The following ZNF345 variants were observed in gnomAD, a reference collection of about 807,000 sequenced individuals.
The protein encoded by ZNF345 is zinc finger protein HZF10.
For missense variants in ZNF345, 527 were observed against 589.9 expected (o/e 0.89, Z 1.10); for synonymous variants, 166 against 187.9 (o/e 0.88, Z 0.95).
chr19:36,893,003 T>C, exon 4 of ZNF345: 1 of 410,886 alleles, frequency 2.4e-6, no homozygotes, highest in Non-Finnish European at 4.3e-6. Flanking sequence ...ATTCTAATTA[T>C]ATACACGTTC....
In ZNF345 at chr19:36,877,335, A is replaced by C. The variant is rs1434140843; in HGVS notation, c.505A>C (p.Ser169Arg). The C allele has an allele frequency of 1.2e-6, 2 of 1,613,964 alleles. No individual in the cohort carries two copies. Among genetic ancestry groups the C allele is most frequent in the African/African-American group, 2.7e-5 (2 of 74,890 alleles). ...CCTTATTCGACATCAGATCATTCAC[A>C]GTGGTGAGAAGCCTTATGAGTGTAA... ...SGLIRHQIIH[S>R]GEKPYECKEC... is the part of the protein sequence containing the mutation. Residue 169 changes from serine (S) to arginine (R), a missense_variant, in exon 3 of 3, where the codon AGT becomes CGT. Transcript: ENST00000420450.
At chr19:36,857,385 C>G (rs2072442919) in intron 2 of ZNF345, among the ~76,000 whole-genome samples, 1 of 152,158 alleles carries the variant, frequency 6.6e-6, no homozygotes. Flanking sequence ...TGGCTCACTG[C>G]AAGCTCCGCC....
intron 2 of ZNF345, among the ~76,000 whole-genome samples, chr19:36,860,108 C>T (rs1022354303): frequency 2.6e-5 from 4 of 152,100 alleles, no homozygotes; most frequent in Non-Finnish European, 4.4e-5. Context: ...CAGGCGCACG[C>T]CACCACACCC....
At chr19:36,857,254 AAATTAT>A (rs1245970888) in intron 2 of ZNF345, among the ~76,000 whole-genome samples, 8 of 152,014 alleles carry the variant, frequency 5.3e-5, no homozygotes, top group Admixed American at 2.6e-4. Context: ...CTTTTCAGTA[AAATTAT>A]AATTATATAC....
chr19:36,884,256 G>A (rs1297829701), downstream of ZNF345, among the ~76,000 whole-genome samples: 3 of 152,010 alleles, frequency 2.0e-5, no homozygotes, highest in South Asian at 2.1e-4. Flanking sequence ...TAGTAGAGAC[G>A]AGGTTTCACC....
At chr19:36,869,801 G>A (rs1229478106) in intron 2 of ZNF345, among the ~76,000 whole-genome samples, 3 of 142,872 alleles carry the variant, frequency 2.1e-5, no homozygotes, top group South Asian at 4.4e-4. Flanking sequence ...TTGCTCTGTC[G>A]CCCCGGCTGG....
chr19:36,876,555 A>G (rs898853033), intron 2 of ZNF345, among the ~76,000 whole-genome samples: 2 of 152,186 alleles, frequency 1.3e-5, no homozygotes, highest in Non-Finnish European at 2.9e-5. Context: ...ACTACTATTT[A>G]AAAATAATCT....
intron 2 of ZNF345, among the ~76,000 whole-genome samples, chr19:36,875,364 G>A (rs1200733043): frequency 6.6e-6 from 1 of 152,170 alleles, no homozygotes; most frequent in African/African-American, 2.4e-5. Context: ...AAGGCCAAGA[G>A]TAGGGGCAGT....
chr19:36,859,837 C>CATATGAACT, intron 2 of ZNF345, among the ~76,000 whole-genome samples: 1 of 152,154 alleles, frequency 6.6e-6, no homozygotes, highest in Non-Finnish European at 1.5e-5. Flanking sequence ...TTATCATTCT[C>CATATGAACT]ATATGAACTT....
chr19:36,878,449 CAAATA>C lies in ZNF345; in HGVS notation c.*160_*164del. On this transcript the variant is annotated 3_prime_UTR_variant, in exon 3 of 3. Transcript: ENST00000420450. The stretch of plus-strand genomic sequence containing the variant: ...TATTTATACAGGAAAAAAATCACCC[CAAATA>C]AAATAAATATTTGAAGATCCTTATC... The C allele has an allele frequency of 1.8e-6, 1 of 556,666 alleles. No homozygotes were observed. Among genetic ancestry groups the C allele is most frequent in the Non-Finnish European group, 2.9e-6 (1 of 343,308 alleles). The allele number at this position is 556,666 out of a possible 1,614,324, so 34.5% of individuals were successfully genotyped here. A position where few individuals can be genotyped will look rare whatever the true frequency, so the allele number is the denominator to read the frequency against.
chr19:36,856,750 G>A (rs1226383725), intron 2 of ZNF345, among the ~76,000 whole-genome samples: 1 of 151,848 alleles, frequency 6.6e-6, no homozygotes, highest in African/African-American at 2.4e-5. Context: ...CAGCTACCTG[G>A]GAGGCAGGAG....
rs990000499 is a variant in ZNF345 at position 36,879,491 on chromosome 19, A to G, written c.*1194A>G. 6 of 167,040 alleles carry G rather than the reference A, an allele frequency of 3.6e-5. No homozygotes were observed. The highest frequency in any genetic ancestry group is 1.4e-4 in the African/African-American group (6 of 41,548). The allele number at this position is 167,040 out of a possible 1,614,324, so 10.3% of individuals were successfully genotyped here. On this transcript the variant is annotated 3_prime_UTR_variant, in exon 3 of 3. Coordinates refer to ENST00000420450, the MANE Select transcript of ZNF345 (RefSeq NM_001242472.2). ...TTTTGTCTGTAAATATGTTGTTACC[A>G]TTTTATTGGCTTTATAGTATTCACC...
intron 3 of ZNF345, chr19:36,892,222 C>G: frequency 6.2e-7 from 1 of 1,614,090 alleles, no homozygotes; most frequent in East Asian, 2.2e-5. Flanking sequence ...AAAGGACTTC[C>G]CATACTCCTT....
In ZNF345 at chr19:36,867,556, T is replaced by G. The variant is rs112055234; in HGVS notation, c.-46-9229T>G. ...ATGTATTCTTTTCTTTCATTGCTTG[T>G]GCTTTAGGTGTTAAATTTAAGAATT... is the stretch of plus-strand genomic sequence containing the variant. On this transcript the variant is annotated intron_variant, in intron 2 of 2. Coordinates refer to ENST00000420450, the MANE Select transcript of ZNF345 (RefSeq NM_001242472.2). 8.8e-3 allele frequency among the ~76,000 whole-genome samples: 1,344 copies of G among 152,336 alleles called. 23 individuals carry two copies. Among genetic ancestry groups the G allele is most frequent in the African/African-American group, 0.031 (1,270 of 41,580 alleles).
chr19:36,867,568 T>C (rs1421146229), intron 2 of ZNF345, among the ~76,000 whole-genome samples: 1 of 152,226 alleles, frequency 6.6e-6, no homozygotes, highest in Non-Finnish European at 1.5e-5. Context: ...CTTTAGGTGT[T>C]AAATTTAAGA....
At chr19:36,868,084 C>T (rs1167464610) in intron 2 of ZNF345, among the ~76,000 whole-genome samples, 1 of 148,720 alleles carries the variant, frequency 6.7e-6, no homozygotes, top group Non-Finnish European at 1.5e-5. Flanking sequence ...CTCACTGCAA[C>T]CTCTGCTTCC....
At chr19:36,857,266 T>C (rs569886) in intron 2 of ZNF345, among the ~76,000 whole-genome samples, 5,971 of 152,094 alleles carry the variant, frequency 0.039, 377 homozygotes, top group African/African-American at 0.14. Flanking sequence ...ATTATAATTA[T>C]ATACATAATT....
At chr19:36,887,071 G>A (rs2073005149) in intron 3 of ZNF345, among the ~76,000 whole-genome samples, 1 of 151,986 alleles carries the variant, frequency 6.6e-6, no homozygotes, top group African/African-American at 2.4e-5. Flanking sequence ...GCTGAGGCAG[G>A]AGATCCACTT....
At chr19:36,859,490 T>G (rs897847033) in intron 2 of ZNF345, among the ~76,000 whole-genome samples, 2 of 151,890 alleles carry the variant, frequency 1.3e-5, no homozygotes, top group African/African-American at 4.8e-5. Flanking sequence ...CCAGTTCTTT[T>G]GTTTTTTTTT....
Sources: gnomAD v4.1 joint callset for allele counts (sites outside exome capture counted in the v4.1 genomes callset) on GRCh38, gnomAD v4.1.1 for gene constraint, MANE v1.5 for transcripts, NCBI Gene and HGNC (gene_info 2026-07-23, HGNC 2026-07-21) for gene names.